The following MINDY2 variants were observed in gnomAD, a reference collection of about 807,000 sequenced individuals.
The protein encoded by MINDY2 is ubiquitin carboxyl-terminal hydrolase MINDY-2.
MINDY2 carries 52 observed loss-of-function variants against 68.2 expected under a neutral mutation model. The ratio of observed to expected loss-of-function variants is 0.76; its 90% CI spans 0.61 to 0.96. The LOEUF (loss-of-function observed/expected upper bound fraction) is 0.96, where lower values mean the gene tolerates loss of function less well. Among genes scored for constraint, MINDY2 ranks in the 40% least tolerant of loss-of-function variants. MINDY2 has a pLI of 0.00. For missense variants in MINDY2, 881 were observed against 773.4 expected (o/e 1.14, Z -1.65); for synonymous variants, 372 against 303.0 (o/e 1.23, Z -2.36).
At chr15:58,787,765 A>G (rs1767197895) in intron 1 of MINDY2, 141 bp from the exon 2 acceptor site, 3 of 459,532 alleles carry the variant, frequency 6.5e-6, no homozygotes, top group South Asian at 1.2e-4. Flanking sequence ...GCCTGGCTAT[A>G]AAGATTCTAA....
intron 5 of MINDY2, among the ~76,000 whole-genome samples, chr15:58,830,297 G>T (rs978844019): frequency 1.3e-5 from 2 of 152,140 alleles, no homozygotes; most frequent in South Asian, 4.1e-4. Flanking sequence ...GTGTGTTTCT[G>T]TTAAACACAC....
At chr15:58,821,863 A>C (rs372348584) in intron 5 of MINDY2, 44 bp downstream of exon 5, 13 of 1,352,304 alleles carry the variant, frequency 9.6e-6, no homozygotes, top group African/African-American at 1.5e-5. Context: ...ATTCTTGGCA[A>C]GATAATTTTT....
At chr15:58,832,527 C>CT (rs199652795) in intron 6 of MINDY2, among the ~76,000 whole-genome samples, 76 of 137,526 alleles carry the variant, frequency 5.5e-4, no homozygotes, top group African/African-American at 6.5e-4. Flanking sequence ...CATGCCCAGA[C>CT]TTTTTTTTTT....
chr15:58,832,550 A>G (rs1421036207), intron 6 of MINDY2, among the ~76,000 whole-genome samples: 1 of 144,252 alleles, frequency 6.9e-6, no homozygotes, highest in East Asian at 2.0e-4. Context: ...CTTTCTTGAG[A>G]CAGAGTTTCA....
chr15:58,823,365 C>T (rs2031195794), intron 5 of MINDY2, among the ~76,000 whole-genome samples: 1 of 151,862 alleles, frequency 6.6e-6, no homozygotes, highest in Non-Finnish European at 1.5e-5. Context: ...CTTCTACTTG[C>T]AGTAAACATA....
chr15:58,846,444 T>A (rs989484607), intron 6 of MINDY2, among the ~76,000 whole-genome samples: 1 of 151,834 alleles, frequency 6.6e-6, no homozygotes, highest in Non-Finnish European at 1.5e-5. Context: ...ATACAAAAAA[T>A]TAGCTGGGCA....
chr15:58,846,040 A>G (rs1396543321), intron 6 of MINDY2, among the ~76,000 whole-genome samples: 1 of 151,908 alleles, frequency 6.6e-6, no homozygotes, highest in African/African-American at 2.4e-5. Context: ...GATGGTTACC[A>G]GAGGCTGGGA....
chr15:58,849,928 G>T (rs1421639776), intron 7 of MINDY2, among the ~76,000 whole-genome samples: 1 of 152,064 alleles, frequency 6.6e-6, no homozygotes, highest in Non-Finnish European at 1.5e-5. Context: ...GTGGAGGCAG[G>T]GTTTCGCCAT....
chr15:58,784,482 G>A (rs1357903596), intron 1 of MINDY2, among the ~76,000 whole-genome samples: 1 of 151,998 alleles, frequency 6.6e-6, no homozygotes, highest in Non-Finnish European at 1.5e-5. Flanking sequence ...ATTTTACGGA[G>A]AATATTTAAA....
At chr15:58,778,509 A>C (rs2140896114) in intron 1 of MINDY2, among the ~76,000 whole-genome samples, 1 of 151,792 alleles carries the variant, frequency 6.6e-6, no homozygotes, top group Non-Finnish European at 1.5e-5. Context: ...CTGTAAAATA[A>C]AAAAAAGCTT....
At chr15:58,811,225 G>T (rs757784143) in intron 4 of MINDY2, among the ~76,000 whole-genome samples, 2 of 152,220 alleles carry the variant, frequency 1.3e-5, no homozygotes, top group Non-Finnish European at 2.9e-5. Context: ...GCTTTGAAAA[G>T]AGATTTTGTA....
At chr15:58,810,435 G>C in intron 4 of MINDY2, 47 bp downstream of exon 4, 1 of 1,449,150 alleles carries the variant, frequency 6.9e-7, no homozygotes, top group Non-Finnish European at 9.2e-7. Flanking sequence ...CAGGAAAAAT[G>C]TATTAATTTG....
At chr15:58,852,287 C>CAAACAAA (rs2032855900) in intron 8 of MINDY2, among the ~76,000 whole-genome samples, 1 of 61,932 alleles carries the variant, frequency 1.6e-5, no homozygotes, top group Non-Finnish European at 2.8e-5. Flanking sequence ...GACTCCTTCT[C>CAAACAAA]AAAAAAAAAA....
At chr15:58,838,581 G>GGTT (rs2032115995) in intron 6 of MINDY2, among the ~76,000 whole-genome samples, 1 of 100,564 alleles carries the variant, frequency 9.9e-6, no homozygotes, top group Non-Finnish European at 1.8e-5. Context: ...ACTTTTTAGG[G>GGTT]ATTTTTTTTT....
At chr15:58,785,684 G>A (rs187543066) in intron 1 of MINDY2, among the ~76,000 whole-genome samples, 20 of 151,898 alleles carry the variant, frequency 1.3e-4, no homozygotes, top group African/African-American at 3.6e-4. Context: ...ATAATCTATC[G>A]AATTTTTTTT....
Position 58,771,661 on chromosome 15 carries a change from A to G in MINDY2, c.266A>G (p.Asp89Gly). The G allele has an allele frequency of 6.2e-7, 1 of 1,612,468 alleles. No homozygotes were observed. The change falls in exon 1 of 9, where the codon GAC (aspartate) becomes GGC (glycine). Residue 89 changes from aspartate (D) to glycine (G), a missense_variant. Coordinates refer to ENST00000559228, the MANE Select transcript of MINDY2 (RefSeq NM_001040450.3). ...TCCTCCGCGGGTTTGGACTTGAAGG[A>G]CAGTGGTTTGGAGAGTCCTGCTGCC... ...CSSSAGLDLK[D>G]SGLESPAAAE...
intron 1 of MINDY2, among the ~76,000 whole-genome samples, chr15:58,781,038 C>G (rs763251641): frequency 5.3e-5 from 8 of 151,920 alleles, no homozygotes; most frequent in Non-Finnish European, 1.0e-4. Flanking sequence ...ATGGAAGATG[C>G]CTTCTTTTAC....
chr15:58,814,714 T>C (rs1285815507), intron 4 of MINDY2, among the ~76,000 whole-genome samples: 1 of 152,060 alleles, frequency 6.6e-6, no homozygotes, highest in Non-Finnish European at 1.5e-5. Flanking sequence ...TTTTTGTAAT[T>C]GAGTTGCAAA....
chr15:58,796,801 G>A (rs1902314468), intron 2 of MINDY2, among the ~76,000 whole-genome samples: 1 of 152,170 alleles, frequency 6.6e-6, no homozygotes, highest in Admixed American at 6.5e-5. Flanking sequence ...GGGATTATAG[G>A]CATTAGCCAC....
Sources: allele counts gnomAD v4.1 joint callset (sites outside exome capture counted in the v4.1 genomes callset), GRCh38; gene constraint gnomAD v4.1.1; transcripts MANE v1.5; gene names NCBI Gene and HGNC (gene_info 2026-07-23, HGNC 2026-07-21).